Variants in ARHGAP23 observed in about 807,000 individuals in gnomAD.
ARHGAP23 encodes the protein rho GTPase-activating protein 23.
ARHGAP23 carries 34 observed loss-of-function variants against 136.3 expected under a neutral mutation model. That is an observed-to-expected ratio of 0.25 (90% CI 0.19 to 0.33). ARHGAP23 has a LOEUF of 0.33. ARHGAP23 is among the 10% of genes least tolerant of loss of function. The pLI is 1.00. For synonymous variants in ARHGAP23, 832 were observed against 920.5 expected, an observed-to-expected ratio of 0.90 and a Z score of 1.74; for missense variants, 1,808 against 2,139.0, an observed-to-expected ratio of 0.85 and a Z score of 3.05.
chr17:38,471,101 C>T (rs572680026), intron 10 of ARHGAP23, among the ~76,000 whole-genome samples: 7 of 150,204 alleles, frequency 4.7e-5, no homozygotes, highest in Non-Finnish European at 8.9e-5. Flanking sequence ...TACAGGCATG[C>T]GCCACCACAC....
At chr17:38,442,823 G>A (rs778831755) in intron 1 of ARHGAP23, among the ~76,000 whole-genome samples, 20 of 152,298 alleles carry the variant, frequency 1.3e-4, no homozygotes, top group Middle Eastern at 3.4e-3. Flanking sequence ...CACAGGGCCT[G>A]GTGGTCATAA....
intron 1 of ARHGAP23, among the ~76,000 whole-genome samples, chr17:38,444,904 A>G (rs2038998218): frequency 6.7e-6 from 1 of 150,260 alleles, no homozygotes; most frequent in Non-Finnish European, 1.5e-5. Flanking sequence ...TGCAACCTCC[A>G]CCTCCTGGGT....
intron 22 of ARHGAP23, among the ~76,000 whole-genome samples, chr17:38,499,178 G>A (rs977313090): frequency 7.9e-5 from 12 of 152,166 alleles, no homozygotes; most frequent in Admixed American, 4.6e-4. Flanking sequence ...GGCCCTCCCC[G>A]TTGCCTGGAC....
At chr17:38,422,296 A>T (rs903681265) in intron 1 of ARHGAP23, among the ~76,000 whole-genome samples, 1 of 152,192 alleles carries the variant, frequency 6.6e-6, no homozygotes, top group African/African-American at 2.4e-5. Context: ...GTTTATAAAG[A>T]GCTTGGCACA....
At chr17:38,424,349 C>T (rs924949819), upstream of ARHGAP23, among the ~76,000 whole-genome samples, 3 of 152,156 alleles carry the variant, frequency 2.0e-5, no homozygotes, top group Non-Finnish European at 2.9e-5. Context: ...ACCTGTGCTG[C>T]CTGCCTGTCG....
chr17:38,495,228 C>CTT (rs11295890), intron 20 of ARHGAP23, among the ~76,000 whole-genome samples: 2 of 135,496 alleles, frequency 1.5e-5, no homozygotes, highest in African/African-American at 2.8e-5. Context: ...TTTTCTTTTT[C>CTT]TTTTTTTTTT....
chr17:38,479,446 G>A lies in ARHGAP23; in HGVS notation c.2447G>A (p.Cys816Tyr), dbSNP rs1005352929. ...CCTCTCCTGCTTCAGGACCCCGGCT[G>A]TGCCAACCAAGCTCTGATCAGCAAG... is the stretch of plus-strand genomic sequence containing the variant. ...NSRAEGEDPG[C>Y]ANQALISKKL... The change falls in exon 13 of 24, where the codon TGT (cysteine) becomes TAT (tyrosine). Residue 816 changes from cysteine (C) to tyrosine (Y), a missense_variant. Physicochemically the swap from Cys to Tyr is radical, Grantham distance 194 (BLOSUM62 -2). Coordinates refer to ENST00000622683, the MANE Select transcript of ARHGAP23 (RefSeq NM_001199417.2). 1.3e-6 allele frequency: 2 copies of A among 1,546,990 alleles called. No homozygotes were observed. Among genetic ancestry groups the A allele is most frequent in the African/African-American group, 1.4e-5 (1 of 72,874 alleles).
intron 1 of ARHGAP23, among the ~76,000 whole-genome samples, chr17:38,456,446 C>T (rs1198148001): frequency 6.6e-6 from 1 of 152,218 alleles, no homozygotes; most frequent in Non-Finnish European, 1.5e-5. Context: ...TGATGAGCTT[C>T]TTCCTCCACA....
At chr17:38,439,439 T>C (rs1032366152) in intron 1 of ARHGAP23, among the ~76,000 whole-genome samples, 1 of 152,240 alleles carries the variant, frequency 6.6e-6, no homozygotes, top group African/African-American at 2.4e-5. Flanking sequence ...TATATCCAGC[T>C]TCTAGGCCAG....
At chr17:38,479,300 G>A in intron 12 of ARHGAP23, 136 bp from the exon 13 acceptor site, 1 of 648,192 alleles carries the variant, frequency 1.5e-6, no homozygotes, top group Non-Finnish European at 2.8e-6. Flanking sequence ...GGGAGTCCAG[G>A]CCTGGTCTTT....
chr17:38,458,063 C>A, intron 1 of ARHGAP23, 39 bp from the exon 2 acceptor site: 1 of 1,534,304 alleles, frequency 6.5e-7, no homozygotes, highest in Non-Finnish European at 8.7e-7. Context: ...GAAGTGTCAG[C>A]CACACGGGCG....
At chr17:38,485,938 A>T (rs2040150258) in intron 16 of ARHGAP23, 124 bp from the exon 17 acceptor site, 1 of 807,258 alleles carries the variant, frequency 1.2e-6, no homozygotes, top group Non-Finnish European at 2.0e-6. Context: ...ATGAGTAGAG[A>T]GCTTGGTCTA....
chr17:38,447,434 T>A (rs1825016492), intron 1 of ARHGAP23, among the ~76,000 whole-genome samples: 1 of 48,446 alleles, frequency 2.1e-5, no homozygotes, highest in Non-Finnish European at 4.6e-5. Flanking sequence ...AGAGACTCCG[T>A]CTGAAAAAAA....
chr17:38,468,985 T>A (rs2039677987), intron 7 of ARHGAP23, among the ~76,000 whole-genome samples, 159 bp from the exon 8 acceptor site: 1 of 152,122 alleles, frequency 6.6e-6, no homozygotes, highest in African/African-American at 2.4e-5. Context: ...GTCTGGACAG[T>A]GGGCCAGTCA....
Position 38,510,551 on chromosome 17 carries a change from A to C in ARHGAP23, c.4055A>C (p.Gln1352Pro). ...CCCGGCTCGGCGTCGTCCAGCAGCC[A>C]GGAGTCGCTGCGGCCCCCGGCGGCG... ...EPPGSASSSS[Q>P]ESLRPPAAAL... The change falls in exon 24 of 24, where the codon CAG becomes CCG. Residue 1352 changes from glutamine to proline, a missense_variant. Physicochemically the swap from Gln to Pro is moderately conservative, Grantham distance 76 (BLOSUM62 -1). Transcript: ENST00000622683. This position sits in a 1 kb window ranked among gnomAD's most constrained non-coding sequence, Gnocchi z 4.6. 5 of 1,213,388 alleles carry C rather than the reference A, an allele frequency of 4.1e-6. No individual in the cohort carries two copies. The highest frequency in any genetic ancestry group is 5.1e-6 in the Non-Finnish European group (5 of 977,026). The allele number at this position is 1,213,388 out of a possible 1,614,324, so 75.2% of individuals were successfully genotyped here.
intron 1 of ARHGAP23, among the ~76,000 whole-genome samples, chr17:38,454,875 T>G (rs1305168269): frequency 6.6e-6 from 1 of 152,258 alleles, no homozygotes; most frequent in Non-Finnish European, 1.5e-5. Flanking sequence ...TAAGGCCGTC[T>G]GCCCTGCTGT....
chr17:38,469,132 C>T lies in ARHGAP23; in HGVS notation c.1649-12C>T. The T allele has an allele frequency of 6.5e-7, 1 of 1,542,878 alleles. No homozygotes were observed. Among genetic ancestry groups the T allele is most frequent in the East Asian group, 2.5e-5 (1 of 40,806 alleles). ...CTGCTGCCTTCACACCTTTCTCCTT[C>T]CACATGCATAGATGAGCCCACCAGC... On this transcript the variant is annotated splice_polypyrimidine_tract_variant and intron_variant, in intron 7 of 23. Transcript: ENST00000622683.
rs758437250 is a variant in ARHGAP23, at chr17:38,466,762, G to A, written c.1079G>A (p.Arg360His). The A allele has an allele frequency of 4.3e-5, 66 of 1,548,922 alleles. No homozygotes were observed. In the Middle Eastern group the frequency reaches 6.7e-4, roughly 16 times the overall value. ...RSDDYLSRAT[R>H]SAEALGPGAL... ...GATGACTACTTGAGCCGGGCCACCC[G>A]TTCTGCCGAGGCACTGGGGCCAGGG... Residue 360 changes from arginine (R) to histidine (H), a missense_variant, in exon 7 of 24, where the codon CGT becomes CAT. Coordinates refer to ENST00000622683, the MANE Select transcript of ARHGAP23 (RefSeq NM_001199417.2).
rs1264808419 is a variant in ARHGAP23 at position 38,497,812 on chromosome 17, G to A, written c.3304G>A (p.Asp1102Asn). 2 of 1,551,296 alleles carry A rather than the reference G, an allele frequency of 1.3e-6. No individual in the cohort carries two copies. Among genetic ancestry groups the A allele is most frequent in the Admixed American group, 3.9e-5 (2 of 50,992 alleles). The change falls in exon 21 of 24, where the codon GAC (aspartate) becomes AAC (asparagine). Residue 1102 changes from aspartate to asparagine, a missense_variant. Asp to Asn is a conservative substitution (Grantham distance 23). Transcript: ENST00000622683. ...AGACTGGTTCTTCAGTGACGAAGAG[G>A]ACAAGGGAGAGAGAGTAAGTGATGC... ...HSDWFFSDEE[D>N]KGERTPVGDK...
Sources: allele counts gnomAD v4.1 joint callset (sites outside exome capture counted in the v4.1 genomes callset), GRCh38; gene constraint gnomAD v4.1.1; non-coding constraint Gnocchi (gnomAD v3.1); transcripts MANE v1.5; gene names NCBI Gene and HGNC (gene_info 2026-07-23, HGNC 2026-07-21).